EDIL3: variants seen among roughly 807,000 people sequenced by gnomAD.
EDIL3 encodes the protein EGF like and discoidin domains 3.
EDIL3 carries 37 observed loss-of-function variants against 67.4 expected under a neutral mutation model. That is an observed-to-expected ratio of 0.55 (90% CI 0.42 to 0.72). The LOEUF is 0.72. Ranked by LOEUF, EDIL3 falls within the 30% of genes least tolerant of loss-of-function variation. The pLI is 0.00. For synonymous variants in EDIL3, 195 were observed against 196.3 expected, an observed-to-expected ratio of 0.99 and a Z score of 0.05; for missense variants, 527 against 586.3, an observed-to-expected ratio of 0.90 and a Z score of 1.04.
intron 3 of EDIL3, among the ~76,000 whole-genome samples, chr5:84,210,574 TA>T (rs1242541014): frequency 6.6e-5 from 10 of 151,334 alleles, no homozygotes; most frequent in South Asian, 2.1e-4. Flanking sequence ...TCTCCAGAAT[TA>T]AAAAAAAACA....
At chr5:84,000,120 TAC>T (rs1421797060) in intron 9 of EDIL3, among the ~76,000 whole-genome samples, 1 of 152,050 alleles carries the variant, frequency 6.6e-6, no homozygotes, top group African/African-American at 2.4e-5. Flanking sequence ...ATTTTATCAA[TAC>T]CAGACCTCTC....
chr5:84,130,521 A>G (rs1422183392), intron 5 of EDIL3, among the ~76,000 whole-genome samples: 1 of 152,088 alleles, frequency 6.6e-6, no homozygotes, highest in Non-Finnish European at 1.5e-5. Context: ...TTTTCATTCT[A>G]ATTTTCACTT....
chr5:84,119,178 T>C (rs1248341923), intron 5 of EDIL3, among the ~76,000 whole-genome samples: 2 of 149,350 alleles, frequency 1.3e-5, no homozygotes, highest in African/African-American at 2.5e-5. Context: ...TTTAAACATA[T>C]GCTACCAGTT....
intron 3 of EDIL3, among the ~76,000 whole-genome samples, chr5:84,223,125 T>A (rs1017584967): frequency 6.6e-6 from 1 of 151,808 alleles, no homozygotes; most frequent in Non-Finnish European, 1.5e-5. Flanking sequence ...AAGTTTTCAA[T>A]CTATTTTGAG....
intron 6 of EDIL3, among the ~76,000 whole-genome samples, chr5:84,087,733 G>C (rs2112264748): frequency 6.6e-6 from 1 of 152,282 alleles, no homozygotes; most frequent in South Asian, 2.1e-4. Context: ...GCTGCGGCAA[G>C]GGCTGTGCTA....
intron 1 of EDIL3, among the ~76,000 whole-genome samples, chr5:84,290,493 A>G (rs1463580797): frequency 1.3e-5 from 2 of 152,174 alleles, no homozygotes; most frequent in Admixed American, 6.5e-5. Context: ...CCACCTCAAA[A>G]TTAGCCACTT....
intron 3 of EDIL3, among the ~76,000 whole-genome samples, chr5:84,189,165 T>C (rs1188289438): frequency 6.6e-6 from 1 of 151,946 alleles, no homozygotes; most frequent in Non-Finnish European, 1.5e-5. Flanking sequence ...AGAGTAGTGG[T>C]GGATAAGCTT....
At chr5:84,042,120 C>T (rs970596441) in intron 9 of EDIL3, among the ~76,000 whole-genome samples, 1 of 151,958 alleles carries the variant, frequency 6.6e-6, no homozygotes, top group Non-Finnish European at 1.5e-5. Context: ...AATTTTGTTC[C>T]ATATTTTATT....
intron 10 of EDIL3, among the ~76,000 whole-genome samples, chr5:83,962,372 G>T (rs1025181717): frequency 6.6e-6 from 1 of 151,304 alleles, no homozygotes; most frequent in South Asian, 2.1e-4. Context: ...TCTAAGCAAC[G>T]AATTAACTTG....
chr5:84,060,792 C>G (rs1286898024), intron 8 of EDIL3, among the ~76,000 whole-genome samples: 1 of 152,164 alleles, frequency 6.6e-6, no homozygotes, highest in African/African-American at 2.4e-5. Flanking sequence ...AATGCTCTCT[C>G]CTGTCTCATT....
chr5:83,962,284 G>A (rs1744617427), intron 10 of EDIL3, among the ~76,000 whole-genome samples: 1 of 151,494 alleles, frequency 6.6e-6, no homozygotes, highest in Non-Finnish European at 1.5e-5. Flanking sequence ...ATAAAGCAGT[G>A]TTATATTCTC....
intron 1 of EDIL3, among the ~76,000 whole-genome samples, chr5:84,274,794 G>GACACACAC (rs35380260): frequency 4.4e-4 from 67 of 150,566 alleles, no homozygotes; most frequent in African/African-American, 1.5e-3. Context: ...GACACACACA[G>GACACACAC]ACACACACAC....
chr5:84,165,337 TC>T (rs1358672598), intron 4 of EDIL3, among the ~76,000 whole-genome samples: 1 of 152,062 alleles, frequency 6.6e-6, no homozygotes, highest in Non-Finnish European at 1.5e-5. Flanking sequence ...CTGACACAGT[TC>T]AGGAAAGGTC....
chr5:83,954,119 T>C lies in EDIL3; in HGVS notation c.1293+9086A>G, dbSNP rs576454005. On this transcript the variant is annotated intron_variant, in intron 10 of 10. Coordinates refer to ENST00000296591, the MANE Select transcript of EDIL3 (RefSeq NM_005711.5). The stretch of plus-strand genomic sequence containing the variant: ...GGGAGACTTTTAATTGCTTAACATA[T>C]TGCAGCTGATGGTGTGATGGTGGAT... Among the ~76,000 whole-genome samples, 44 of 151,942 alleles carry C rather than the reference T, an allele frequency of 2.9e-4. 1 individual carries two copies. Among genetic ancestry groups the C allele is most frequent in the African/African-American group, 9.9e-4 (41 of 41,516 alleles).
chr5:84,263,679 C>A (rs1745282521), intron 1 of EDIL3, among the ~76,000 whole-genome samples: 2 of 151,968 alleles, frequency 1.3e-5, no homozygotes, highest in Admixed American at 1.3e-4. Context: ...AGAAAGTGCT[C>A]AATAAATGTT....
intron 9 of EDIL3, among the ~76,000 whole-genome samples, chr5:84,006,468 T>C (rs1745418803): frequency 6.6e-6 from 1 of 152,148 alleles, no homozygotes; most frequent in African/African-American, 2.4e-5. Flanking sequence ...AGGAACATAC[T>C]GTGTAACAAA....
intron 5 of EDIL3, among the ~76,000 whole-genome samples, chr5:84,112,124 C>T (rs1035923741): frequency 2.6e-5 from 4 of 152,010 alleles, no homozygotes; most frequent in Admixed American, 1.3e-4. Flanking sequence ...TTGCAGAAGA[C>T]GGTGATGATA....
chr5:84,278,681 C>A (rs1745636080), intron 1 of EDIL3, among the ~76,000 whole-genome samples: 1 of 152,126 alleles, frequency 6.6e-6, no homozygotes, highest in Admixed American at 6.6e-5. Flanking sequence ...AACTTTTCTC[C>A]ATGTAATGAA....
At chr5:84,141,928 T>TATATAC (rs1554069991) in intron 4 of EDIL3, among the ~76,000 whole-genome samples, 3,280 of 121,156 alleles carry the variant, frequency 0.027, 102 homozygotes, top group East Asian at 0.069. Flanking sequence ...TATATACACA[T>TATATAC]ATATATATAT....
Sources: allele counts gnomAD v4.1 joint callset (sites outside exome capture counted in the v4.1 genomes callset), GRCh38; gene constraint gnomAD v4.1.1; transcripts MANE v1.5; gene names NCBI Gene and HGNC (gene_info 2026-07-23, HGNC 2026-07-21).